The following ANXA4 variants were observed in gnomAD, a reference collection of about 807,000 sequenced individuals.
ANXA4 encodes 35-beta calcimedin.
ANXA4 carries 39 observed loss-of-function variants against 49.8 expected under a neutral mutation model. That is an observed-to-expected ratio of 0.78 (90% CI 0.61 to 1.02). The LOEUF is 1.02. ANXA4 is among the 50% of genes least tolerant of loss of function. The pLI, the probability that ANXA4 is intolerant of heterozygous loss-of-function variation, is 0.00. For synonymous variants in ANXA4, 134 were observed against 152.5 expected (o/e 0.88, Z 0.89); for missense variants, 360 against 410.1 (o/e 0.88, Z 1.05).
chr2:69,661,864 C>T (rs2018469), intron 2 of ANXA4, among the ~76,000 whole-genome samples: 16 of 152,210 alleles, frequency 1.1e-4, no homozygotes, highest in East Asian at 5.8e-4. Flanking sequence ...TACTGCACAG[C>T]GGCCACTGTC....
intron 1 of ANXA4, among the ~76,000 whole-genome samples, chr2:69,652,683 A>T (rs1421171520): frequency 6.6e-6 from 1 of 152,004 alleles, no homozygotes; most frequent in African/African-American, 2.4e-5. Context: ...ACAAAGCGAA[A>T]ACCCGTCTCT....
chr2:69,766,935 A>C (rs1364767180), intron 1 of ANXA4, among the ~76,000 whole-genome samples: 1 of 152,180 alleles, frequency 6.6e-6, no homozygotes, highest in African/African-American at 2.4e-5. Flanking sequence ...GGGGGGCAAG[A>C]ATTTCCCCTC....
Position 69,758,868 on chromosome 2 carries a change from C to T in ANXA4, c.-47+16693C>T, listed in dbSNP as rs188277716. On this transcript the variant is annotated intron_variant, in intron 1 of 12. Coordinates refer to ENST00000394295, the MANE Select transcript of ANXA4 (RefSeq NM_001153.5). ...AGATTATAGGCCAGGCACAGTGGCT[C>T]ATGCCTGTAATCCCAGCACTTTGGG... is the stretch of plus-strand genomic sequence containing the variant. Among the ~76,000 whole-genome samples, 10 of 151,948 alleles carry T rather than the reference C, an allele frequency of 6.6e-5. No individual in the cohort carries two copies. The East Asian group carries it at 1.9e-3, about 30-fold the overall frequency.
intron 8 of ANXA4, among the ~76,000 whole-genome samples, chr2:69,814,312 A>T (rs1673854926): frequency 6.7e-6 from 1 of 149,010 alleles, no homozygotes; most frequent in Non-Finnish European, 1.5e-5. Context: ...CTCAGAGATC[A>T]GTGTCACTTC....
chr2:69,731,341 G>A (rs569354432), intron 3 of ANXA4, among the ~76,000 whole-genome samples: 1 of 152,314 alleles, frequency 6.6e-6, no homozygotes, highest in South Asian at 2.1e-4. Flanking sequence ...AGACTTGCTC[G>A]AACTTAGCAG....
At chr2:69,789,163 C>T (rs1464445553) in intron 3 of ANXA4, among the ~76,000 whole-genome samples, 4 of 152,170 alleles carry the variant, frequency 2.6e-5, no homozygotes, top group African/African-American at 9.7e-5. Flanking sequence ...GACATTATCT[C>T]ATTGGATATA....
chr2:69,770,662 C>T (rs1671669206), intron 1 of ANXA4, among the ~76,000 whole-genome samples: 1 of 148,548 alleles, frequency 6.7e-6, no homozygotes, highest in Admixed American at 6.6e-5. Context: ...CAGAGAAACT[C>T]TCTCTCAGCA....
chr2:69,731,980 CTTTTTTT>C (rs11425067), intron 3 of ANXA4, among the ~76,000 whole-genome samples: 1 of 120,166 alleles, frequency 8.3e-6, no homozygotes, highest in Admixed American at 9.3e-5. Flanking sequence ...TCTTTTCTTT[CTTTTTTT>C]TTTTTTTTTT....
Position 69,825,447 on chromosome 2 carries a change from A to G in ANXA4, c.907-9A>G, listed in dbSNP as rs1674433338. On this transcript the variant is annotated splice_polypyrimidine_tract_variant and intron_variant, in intron 12 of 12. Transcript: ENST00000394295. ...TCTATTTATCTAACTTTGCTTCCCT[A>G]TCGAACAGGGTGACACATCTGGAGA... 3 of 1,603,876 alleles carry G rather than the reference A, an allele frequency of 1.9e-6. No homozygotes were observed. Among genetic ancestry groups the G allele is most frequent in the South Asian group, 2.2e-5 (2 of 89,014 alleles).
intron 2 of ANXA4, among the ~76,000 whole-genome samples, chr2:69,718,830 A>G (rs945994205): frequency 2.0e-5 from 3 of 152,034 alleles, no homozygotes; most frequent in Middle Eastern, 3.2e-3. Context: ...ACATGCACAC[A>G]CATATACATG....
At chr2:69,660,336 A>T (rs143258186) in intron 2 of ANXA4, among the ~76,000 whole-genome samples, 2 of 152,246 alleles carry the variant, frequency 1.3e-5, no homozygotes, top group Non-Finnish European at 2.9e-5. Flanking sequence ...ACGTAAAATC[A>T]CTCTGGATAC....
chr2:69,812,121 C>CTTTT (rs1327532159), intron 7 of ANXA4, among the ~76,000 whole-genome samples: 1 of 138,366 alleles, frequency 7.2e-6, no homozygotes, highest in Non-Finnish European at 1.6e-5. Context: ...ACCTCCCCAC[C>CTTTT]TTTTTTTTTT....
At chr2:69,727,944 A>G (rs1670004124) in intron 3 of ANXA4, among the ~76,000 whole-genome samples, 1 of 152,238 alleles carries the variant, frequency 6.6e-6, no homozygotes, top group African/African-American at 2.4e-5. Flanking sequence ...ACGTCTTTGA[A>G]GAGAACTGGC....
chr2:69,701,866 T>C (rs1379726149), intron 2 of ANXA4, among the ~76,000 whole-genome samples: 7 of 152,186 alleles, frequency 4.6e-5, no homozygotes, highest in Non-Finnish European at 7.3e-5. Context: ...TGTTTTCTCT[T>C]GGGCTTTCTT....
In ANXA4 at chr2:69,804,614, G is replaced by C. The variant is rs200730728; in HGVS notation, c.179G>C (p.Ser60Thr). 1.9e-4 allele frequency: 310 copies of C among 1,612,818 alleles called. No individual in the cohort carries two copies. Among genetic ancestry groups the C allele is most frequent in the Non-Finnish European group, 2.2e-4 (259 of 1,179,440 alleles). The part of the protein sequence containing the change: ...QRQEIRTAYK[S>T]TIGRDLIDDL... ...CAGGAGATCAGGACAGCCTACAAGAGCACCATCGGCAGGGTAGGCCACAGT... is the reference window on the plus strand; with the variant it reads ...CAGGAGATCAGGACAGCCTACAAGACCACCATCGGCAGGGTAGGCCACAGT... Residue 60 changes from serine (S) to threonine (T), a missense_variant, in exon 4 of 13, where the codon AGC becomes ACC. By Grantham distance (58) the Ser-to-Thr change is moderately conservative. Transcript: ENST00000394295.
intron 1 of ANXA4, among the ~76,000 whole-genome samples, chr2:69,779,976 A>G (rs1245729332): frequency 6.6e-6 from 1 of 152,212 alleles, no homozygotes; most frequent in Non-Finnish European, 1.5e-5. Flanking sequence ...AAACAGGAAG[A>G]ATGAAACTGG....
intron 3 of ANXA4, among the ~76,000 whole-genome samples, chr2:69,799,350 G>A (rs538111474): frequency 1.3e-5 from 2 of 152,142 alleles, no homozygotes; most frequent in East Asian, 1.9e-4. Flanking sequence ...GTTTTACTGG[G>A]GCCCATTGTA....
chr2:69,735,982 T>C (rs1670234977), intron 3 of ANXA4, among the ~76,000 whole-genome samples: 1 of 152,160 alleles, frequency 6.6e-6, no homozygotes, highest in Admixed American at 6.5e-5. Context: ...TTTTCATGGG[T>C]TCTATTTACA....
At chr2:69,692,500 A>T (rs1678010056) in intron 2 of ANXA4, among the ~76,000 whole-genome samples, 1 of 152,186 alleles carries the variant, frequency 6.6e-6, no homozygotes, top group Admixed American at 6.5e-5. Context: ...GTTCCATAAC[A>T]GTATATATAT....
Sources: gnomAD v4.1 joint callset for allele counts (sites outside exome capture counted in the v4.1 genomes callset) on GRCh38, gnomAD v4.1.1 for gene constraint, MANE v1.5 for transcripts, NCBI Gene and HGNC (gene_info 2026-07-23, HGNC 2026-07-21) for gene names.